Variants in GPR107 observed in about 807,000 individuals in gnomAD.
The protein encoded by GPR107 is protein GPR107.
Under a neutral mutation model 75.5 loss-of-function variants are expected in GPR107, and 31 were observed. That is an observed-to-expected ratio of 0.41 (90% confidence interval 0.31 to 0.55). GPR107 has a LOEUF of 0.55. GPR107 is among the 20% of genes least tolerant of loss of function. GPR107 has a pLI of 0.26. For synonymous variants in GPR107, 267 were observed against 251.3 expected (o/e 1.06, Z -0.59); for missense variants, 572 against 665.7 (o/e 0.86, Z 1.55).
intron 1 of GPR107, among the ~76,000 whole-genome samples, chr9:130,063,873 C>T (rs1170788179): frequency 8.8e-5 from 13 of 148,422 alleles, no homozygotes; most frequent in African/African-American, 9.9e-5. Flanking sequence ...GGCACGATCT[C>T]GGCTCACTGC....
At chr9:130,107,763 A>T (rs1193696216) in intron 14 of GPR107, among the ~76,000 whole-genome samples, 2 of 152,202 alleles carry the variant, frequency 1.3e-5, no homozygotes, top group Non-Finnish European at 2.9e-5. Context: ...ACTGCTGCTT[A>T]TTAAGATGAT....
chr9:130,075,114 C>T (rs781044518), intron 1 of GPR107, among the ~76,000 whole-genome samples: 14 of 152,100 alleles, frequency 9.2e-5, no homozygotes, highest in South Asian at 2.1e-4. Context: ...TTTGGATTTC[C>T]GATGAGTTGT....
At chr9:130,083,534 A>C in intron 5 of GPR107, 31 bp from the exon 6 acceptor site, 2 of 1,445,376 alleles carry the variant, frequency 1.4e-6, no homozygotes, top group South Asian at 1.4e-5. Flanking sequence ...TGAGTCATGC[A>C]GCACTCTCTT....
At chr9:130,101,461 T>A (rs1270783674) in intron 12 of GPR107, among the ~76,000 whole-genome samples, 1 of 152,220 alleles carries the variant, frequency 6.6e-6, no homozygotes, top group Admixed American at 6.5e-5. Flanking sequence ...AGTAGAGAGC[T>A]GCTGACAGTG....
intron 14 of GPR107, among the ~76,000 whole-genome samples, chr9:130,118,220 G>T (rs1831471700): frequency 6.6e-6 from 1 of 152,212 alleles, no homozygotes; most frequent in Non-Finnish European, 1.5e-5. Flanking sequence ...GCCCAGCCCA[G>T]CTTCTGGCAC....
chr9:130,113,821 C>T (rs1199960561), intron 14 of GPR107, among the ~76,000 whole-genome samples: 23 of 152,086 alleles, frequency 1.5e-4, no homozygotes, highest in Admixed American at 1.5e-3. Flanking sequence ...AACCTCTTGT[C>T]AGGTTTTAAT....
chr9:130,054,288 G>A (rs1383663101), intron 1 of GPR107, among the ~76,000 whole-genome samples: 1 of 152,232 alleles, frequency 6.6e-6, no homozygotes, highest in African/African-American at 2.4e-5. Context: ...GAAGACTCGA[G>A]CTGAGGGAGG....
intron 9 of GPR107, among the ~76,000 whole-genome samples, chr9:130,095,878 A>C (rs1384205001): frequency 6.6e-6 from 1 of 152,142 alleles, no homozygotes; most frequent in Non-Finnish European, 1.5e-5. Flanking sequence ...AAGGCATATG[A>C]CCAAGGCCGC....
At chr9:130,077,704 A>G (rs112456814) in intron 4 of GPR107, among the ~76,000 whole-genome samples, 2 of 152,206 alleles carry the variant, frequency 1.3e-5, no homozygotes, top group Non-Finnish European at 2.9e-5. Flanking sequence ...TTCCAGGCAG[A>G]GGGCATAGTC....
At position 130,135,213 on chromosome 9, in the gene GPR107, A is replaced by G. The variant is rs1368472564; in HGVS notation, c.*92A>G. 4.6e-6 allele frequency: 3 copies of G among 653,990 alleles called. No individual in the cohort carries two copies. Among genetic ancestry groups the G allele is most frequent in the Admixed American group, 2.9e-5 (1 of 34,240 alleles). The allele number at this position is 653,990 out of a possible 1,614,324, so 40.5% of individuals were successfully genotyped here. A position where few individuals can be genotyped will look rare whatever the true frequency, so the allele number is the denominator to read the frequency against. On this transcript the variant is annotated 3_prime_UTR_variant, in exon 18 of 18. Coordinates refer to ENST00000347136, the MANE Select transcript of GPR107 (RefSeq NM_020960.5). ...GCAGGAGCAGCTCCTACAGTGAACT[A>G]TTGGCACCACCGACAGTGACACCAG...
At chr9:130,121,337 AAAAT>A (rs1444949914) in intron 14 of GPR107, among the ~76,000 whole-genome samples, 2 of 152,234 alleles carry the variant, frequency 1.3e-5, no homozygotes, top group South Asian at 2.1e-4. Context: ...CTAAAAAAGA[AAAAT>A]AAAATAATTG....
chr9:130,063,330 A>G (rs1427774865), intron 1 of GPR107, among the ~76,000 whole-genome samples: 1 of 152,070 alleles, frequency 6.6e-6, no homozygotes, highest in South Asian at 2.1e-4. Context: ...AGCTGGGACT[A>G]CAGGCGTTTG....
intron 7 of GPR107, among the ~76,000 whole-genome samples, chr9:130,089,072 AG>A (rs1309669705): frequency 6.6e-6 from 1 of 152,052 alleles, no homozygotes; most frequent in East Asian, 1.9e-4. Context: ...TGGGAAGCTG[AG>A]ACAGGAGAAT....
At chr9:130,116,572 A>G (rs1831433533) in intron 14 of GPR107, among the ~76,000 whole-genome samples, 2 of 152,190 alleles carry the variant, frequency 1.3e-5, no homozygotes. Flanking sequence ...GGCATAGCTC[A>G]CAGCATTGCG....
chr9:130,131,945 A>G (rs1831836656), intron 17 of GPR107, among the ~76,000 whole-genome samples: 2 of 152,090 alleles, frequency 1.3e-5, no homozygotes, highest in African/African-American at 4.8e-5. Flanking sequence ...CAGTGGCACT[A>G]TCACAGCTCA....
chr9:130,064,185 CTT>C (rs1045833413), intron 1 of GPR107, among the ~76,000 whole-genome samples: 1 of 82,580 alleles, frequency 1.2e-5, no homozygotes, highest in Non-Finnish European at 2.2e-5. Context: ...AATAGCTTTT[CTT>C]TTTTTTTTTT....
At chr9:130,058,765 G>A (rs1307505693) in intron 1 of GPR107, among the ~76,000 whole-genome samples, 2 of 152,008 alleles carry the variant, frequency 1.3e-5, no homozygotes, top group Non-Finnish European at 2.9e-5. Context: ...GCGCCCGGCC[G>A]ATAGGTAGGC....
chr9:130,067,994 C>T (rs1365509041), intron 1 of GPR107, among the ~76,000 whole-genome samples: 1 of 151,994 alleles, frequency 6.6e-6, no homozygotes, highest in East Asian at 1.9e-4. Flanking sequence ...CCCACCTCAG[C>T]CCCCCAAAGT....
At chr9:130,060,067 GGGAGGTTGGGGGGCGCAC>G in intron 1 of GPR107, among the ~76,000 whole-genome samples, 1 of 151,466 alleles carries the variant, frequency 6.6e-6, no homozygotes, top group African/African-American at 2.4e-5. Flanking sequence ...TTATTTCGGG[GGGAGGTTGGGGGGCGCAC>G]GGAGTCTCAT....
Sources: allele counts gnomAD v4.1 joint callset (sites outside exome capture counted in the v4.1 genomes callset), GRCh38; gene constraint gnomAD v4.1.1; transcripts MANE v1.5; gene names NCBI Gene and HGNC (gene_info 2026-07-23, HGNC 2026-07-21).